PLEKHG1: variants seen among roughly 807,000 people sequenced by gnomAD.
PLEKHG1 encodes pleckstrin homology and RhoGEF domain containing G1, also known as pleckstrin homology domain-containing family G member 1.
In PLEKHG1, 44 loss-of-function variants were observed where a neutral mutation model predicts 100.8. That is an observed-to-expected ratio of 0.44 (90% confidence interval 0.34 to 0.56). The LOEUF (loss-of-function observed/expected upper bound fraction) is 0.56, where lower values mean the gene tolerates loss of function less well. Among genes scored for constraint, PLEKHG1 ranks in the 20% least tolerant of loss-of-function variants. The pLI is 0.01. For missense variants in PLEKHG1, 1,545 were observed against 1,720.9 expected (o/e 0.90, Z 1.81); for synonymous variants, 640 against 662.5 (o/e 0.97, Z 0.52).
intron 7 of PLEKHG1, among the ~76,000 whole-genome samples, chr6:150,806,591 CAGG>C (rs1787121019): frequency 1.3e-5 from 2 of 150,824 alleles, no homozygotes; most frequent in African/African-American, 4.9e-5. Flanking sequence ...GAGGCTGAGG[CAGG>C]AGAATTGCTT....
At chr6:150,768,736 T>A in exon 3 of PLEKHG1, 1 of 1,503,720 alleles carries the variant, frequency 6.7e-7, no homozygotes, top group Non-Finnish European at 9.3e-7. Flanking sequence ...ACCACTTCAA[T>A]AGGTAAGTTA....
At chr6:150,718,909 T>TTGTG (rs748911795), upstream of PLEKHG1, among the ~76,000 whole-genome samples, 1 of 151,946 alleles carries the variant, frequency 6.6e-6, no homozygotes, top group African/African-American at 2.4e-5. Context: ...AAAAATGTGT[T>TTGTG]TGTGTGTGTG....
chr6:150,741,752 TC>T (rs1196050005), intron 2 of PLEKHG1, among the ~76,000 whole-genome samples: 2 of 152,174 alleles, frequency 1.3e-5, no homozygotes, highest in Non-Finnish European at 2.9e-5. Flanking sequence ...ACTGCATACC[TC>T]CCCTTTGACT....
intron 3 of PLEKHG1, among the ~76,000 whole-genome samples, chr6:150,674,713 C>T (rs1016806079): frequency 7.0e-6 from 1 of 143,612 alleles, no homozygotes; most frequent in Non-Finnish European, 1.5e-5. Flanking sequence ...CATGGAGTCT[C>T]GCTCTGTCGC....
intron 2 of PLEKHG1, among the ~76,000 whole-genome samples, chr6:150,749,161 A>G (rs1783349731): frequency 6.6e-6 from 1 of 152,162 alleles, no homozygotes; most frequent in African/African-American, 2.4e-5. Flanking sequence ...CAGCCGTTTC[A>G]TTTGGAGACA....
Position 150,770,926 on chromosome 6 carries a change from G to A in PLEKHG1, c.512+2188G>A, listed in dbSNP as rs991322590. ...GAGTGCTTGCTCCATGCCAGAGGCC[G>A]TAGAGCTTTAGATACATTTTCATTT... On this transcript the variant is annotated intron_variant, in intron 3 of 15. Transcript: ENST00000358517. Among the ~76,000 whole-genome samples the A allele has an allele frequency of 2.6e-5, 4 of 152,174 alleles. No individual in the cohort carries two copies. In the East Asian group the frequency reaches 5.8e-4, roughly 22 times the overall value.
At chr6:150,698,899 T>G (rs1780656611) in intron 3 of PLEKHG1, among the ~76,000 whole-genome samples, 1 of 152,248 alleles carries the variant, frequency 6.6e-6, no homozygotes. Context: ...TTAAGTTTGT[T>G]TAAGGGAGTT....
intron 3 of PLEKHG1, among the ~76,000 whole-genome samples, chr6:150,694,707 A>AT (rs971962419): frequency 1.2e-4 from 18 of 151,358 alleles, no homozygotes; most frequent in African/African-American, 3.4e-4. Context: ...CAAAAAAAAA[A>AT]AAAATAAAAA....
rs907550725 is a variant in PLEKHG1 at position 150,671,642 on chromosome 6, A to G, written c.-99+20856A>G. 9.8e-5 allele frequency among the ~76,000 whole-genome samples: 15 copies of G among 152,354 alleles called. 1 individual carries two copies. Among genetic ancestry groups the G allele is most frequent in the Admixed American group, 7.2e-4 (11 of 15,306 alleles). ...GCTTAGAGTCTAGTGGAGCTGAAAG[A>G]TAACAGTTTAAAAAACCCCAAGTAT... On this transcript the variant is annotated intron_variant, in intron 3 of 3. Coordinates refer to the PLEKHG1 transcript ENST00000367326.
intron 3 of PLEKHG1, among the ~76,000 whole-genome samples, chr6:150,692,557 G>C (rs943060242): frequency 5.3e-5 from 8 of 152,168 alleles, no homozygotes; most frequent in Non-Finnish European, 7.3e-5. Flanking sequence ...AAGCATATGT[G>C]ATCTAGAGAA....
chr6:150,822,699 G>C (rs1776373569), intron 13 of PLEKHG1, among the ~76,000 whole-genome samples: 1 of 152,226 alleles, frequency 6.6e-6, no homozygotes, highest in African/African-American at 2.4e-5. Context: ...AGTGAAACAG[G>C]CTGGGCGTGG....
intron 2 of PLEKHG1, among the ~76,000 whole-genome samples, chr6:150,751,783 A>G (rs1783523967): frequency 6.6e-6 from 1 of 152,202 alleles, no homozygotes; most frequent in Non-Finnish European, 1.5e-5. Flanking sequence ...ACTCACCTTG[A>G]TCCTCTTGGT....
At chr6:150,782,239 G>T (rs1211825505) in intron 3 of PLEKHG1, among the ~76,000 whole-genome samples, 1 of 151,990 alleles carries the variant, frequency 6.6e-6, no homozygotes, top group Non-Finnish European at 1.5e-5. Context: ...CCAACATGGT[G>T]AAACCCTGTC....
intron 2 of PLEKHG1, among the ~76,000 whole-genome samples, chr6:150,756,539 T>A (rs77703499): frequency 0.014 from 2,128 of 152,222 alleles, 23 homozygotes; most frequent in Non-Finnish European, 0.021. Context: ...AAGAGGTCGG[T>A]CCTTGTGTAG....
At chr6:150,741,458 C>G (rs1372967968) in intron 2 of PLEKHG1, among the ~76,000 whole-genome samples, 1 of 152,208 alleles carries the variant, frequency 6.6e-6, no homozygotes. Context: ...ACATACTATT[C>G]AGCTACCATT....
At chr6:150,624,740 C>CT (rs1777441160) in intron 1 of PLEKHG1, 1 of 152,150 alleles carries the variant, frequency 6.6e-6, no homozygotes, top group Non-Finnish European at 1.5e-5. Context: ...GCAGTGTTGG[C>CT]TGGTGTCTCT....
At position 150,840,644 on chromosome 6, in the gene PLEKHG1, T is replaced by G. The variant is rs893635854; in HGVS notation, c.3906T>G (p.Ser1302=). 1.9e-6 allele frequency: 3 copies of G among 1,614,244 alleles called. No homozygotes were observed. The African/African-American group carries it at 4.0e-5, about 22-fold the overall frequency. The change falls in exon 16 of 16, where the codon TCT becomes TCG. Residue 1302 remains serine (S), a synonymous_variant. Coordinates refer to ENST00000358517, the Ensembl canonical transcript of PLEKHG1. ...TATCTCACAATCGTAGAAGGAAATC[T>G]GACTCAAAGTTTGTGGATGCTGACT... is the stretch of plus-strand genomic sequence containing the variant.
rs535479939 is a variant in PLEKHG1, at chr6:150,793,728, G to A, written c.583-2128G>A. ...CTGCTAGTGTATTGTGCCAAATTAC[G>A]GAACCTAAATCTGAGCAAGTCTCTA... On this transcript the variant is annotated intron_variant, in intron 4 of 15. Transcript: ENST00000358517. Among the ~76,000 whole-genome samples, 88 of 152,214 alleles carry A rather than the reference G, an allele frequency of 5.8e-4. 3 individuals carry two copies. In the South Asian group the frequency reaches 0.016, roughly 28 times the overall value.
chr6:150,820,024 A>G (rs564111217), intron 12 of PLEKHG1, among the ~76,000 whole-genome samples: 1 of 151,582 alleles, frequency 6.6e-6, no homozygotes, highest in African/African-American at 2.4e-5. Context: ...AGCCTGGCCA[A>G]CTGGAGAAAC....
Sources: allele counts gnomAD v4.1 joint callset (sites outside exome capture counted in the v4.1 genomes callset), GRCh38; gene constraint gnomAD v4.1.1; transcripts MANE v1.5; gene names NCBI Gene and HGNC (gene_info 2026-07-23, HGNC 2026-07-21).